CD1B: variants seen among roughly 807,000 people sequenced by gnomAD.
CD1B encodes T-cell surface glycoprotein CD1b.
CD1B carries 43 observed loss-of-function variants against 39.8 expected under a neutral mutation model. That is an observed-to-expected ratio of 1.08 (90% CI 0.85 to 1.39). The LOEUF is 1.39. CD1B is among the 40% of genes most tolerant of loss of function. The probability of loss-of-function intolerance (pLI) is 0.00; values close to 1 mark genes in which losing one functional copy is unlikely to be tolerated. For missense variants in CD1B, 495 were observed against 403.8 expected, an observed-to-expected ratio of 1.23 and a Z score of -1.94; for synonymous variants, 192 against 152.5, an observed-to-expected ratio of 1.26 and a Z score of -1.91.
At chr1:158,306,844 G>A in the CD1B span, among the ~76,000 whole-genome samples, 6 of 152,116 alleles carry the variant, frequency 3.9e-5, no homozygotes, top group Non-Finnish European at 7.3e-5. Context: ...GGTACATAAT[G>A]AAATGAAGGC....
At chr1:158,301,845 G>A in the CD1B span, among the ~76,000 whole-genome samples, 2 of 152,086 alleles carry the variant, frequency 1.3e-5, no homozygotes, top group Non-Finnish European at 2.9e-5. Flanking sequence ...TTGCTAGGTT[G>A]GGGATGTTCT....
chr1:158,321,550 A>C, the CD1B span, among the ~76,000 whole-genome samples: 1 of 152,192 alleles, frequency 6.6e-6, no homozygotes, highest in African/African-American at 2.4e-5. Flanking sequence ...ACATTTTGTT[A>C]CTTCTTTCCT....
chr1:158,286,692 T>G, the CD1B span, among the ~76,000 whole-genome samples: 3 of 152,202 alleles, frequency 2.0e-5, no homozygotes, highest in African/African-American at 7.2e-5. Flanking sequence ...AGAAATGACA[T>G]GGTGACTGTG....
chr1:158,292,361 G>C, the CD1B span: 1 of 1,612,468 alleles, frequency 6.2e-7, no homozygotes, highest in Admixed American at 1.7e-5. Flanking sequence ...ATGTACACAG[G>C]CAAGGTCAGT....
the CD1B span, among the ~76,000 whole-genome samples, chr1:158,310,661 A>ATCAAC: frequency 6.6e-6 from 1 of 152,214 alleles, no homozygotes; most frequent in African/African-American, 2.4e-5. Flanking sequence ...GAATATCAAC[A>ATCAAC]GACACTTCTC....
the CD1B span, among the ~76,000 whole-genome samples, chr1:158,290,455 G>T: frequency 6.6e-6 from 1 of 152,110 alleles, no homozygotes; most frequent in African/African-American, 2.4e-5. Context: ...GAGGGATGAA[G>T]CAACCTTTCA....
At chr1:158,291,446 T>C in the CD1B span, 1 of 1,588,626 alleles carries the variant, frequency 6.3e-7, no homozygotes, top group Non-Finnish European at 8.6e-7. Context: ...GAATGTTCTA[T>C]TTCAGGGAAA....
chr1:158,290,112 T>C, the CD1B span: 1 of 1,613,970 alleles, frequency 6.2e-7, no homozygotes, highest in Non-Finnish European at 8.5e-7. Context: ...TCCCAGGTGG[T>C]GACAATGCAG....
the CD1B span, among the ~76,000 whole-genome samples, chr1:158,297,777 C>A: frequency 1.4e-4 from 21 of 151,700 alleles, no homozygotes; most frequent in East Asian, 2.3e-3. Flanking sequence ...TACAAAAAAA[C>A]CAAGAAAATT....
At chr1:158,302,310 T>C in the CD1B span, among the ~76,000 whole-genome samples, 1 of 152,116 alleles carries the variant, frequency 6.6e-6, no homozygotes, top group Admixed American at 6.6e-5. Context: ...GGAAAGTTTA[T>C]AGCACTAAAT....
downstream of CD1B, among the ~76,000 whole-genome samples, chr1:158,326,936 A>G (rs1571183781): frequency 1.3e-5 from 2 of 152,210 alleles, no homozygotes; most frequent in South Asian, 2.1e-4. Context: ...AGCTGGGACT[A>G]CAGCCATGCA....
chr1:158,291,226 G>A, the CD1B span: 35 of 1,613,950 alleles, frequency 2.2e-5, no homozygotes, highest in South Asian at 3.1e-4. Flanking sequence ...ATGGCTGGAC[G>A]AGTTGCAGAC....
At chr1:158,316,703 G>C in the CD1B span, among the ~76,000 whole-genome samples, 2 of 150,922 alleles carry the variant, frequency 1.3e-5, no homozygotes, top group African/African-American at 4.9e-5. Flanking sequence ...TGTTGAATAG[G>C]AGTGGTGAGA....
Position 158,330,141 on chromosome 1 carries a change from G to C in CD1B, c.329-11C>G. ...GGATCTCAAAGGGGTCTATGTAGAGGGAAAAGAGAGCAAGTTATTAAACAC... is the reference window on the plus strand; with the variant it reads ...GGATCTCAAAGGGGTCTATGTAGAGCGAAAAGAGAGCAAGTTATTAAACAC... On this transcript the variant is annotated splice_polypyrimidine_tract_variant and intron_variant, in intron 2 of 5. Transcript: ENST00000368168. 2 of 1,574,616 alleles carry C rather than the reference G, an allele frequency of 1.3e-6. No homozygotes were observed. Among genetic ancestry groups the C allele is most frequent in the South Asian group, 2.4e-5 (2 of 84,980 alleles).
At chr1:158,286,995 T>G in the CD1B span, among the ~76,000 whole-genome samples, 1 of 152,164 alleles carries the variant, frequency 6.6e-6, no homozygotes, top group Non-Finnish European at 1.5e-5. Flanking sequence ...AGTCTTGCTC[T>G]CCTCCTCCAG....
At chr1:158,324,420 C>T (rs550974848), downstream of CD1B, among the ~76,000 whole-genome samples, 1 of 152,258 alleles carries the variant, frequency 6.6e-6, no homozygotes, top group East Asian at 1.9e-4. Context: ...GAGTGGGTTA[C>T]CTCCTATTCC....
At chr1:158,288,511 C>T in the CD1B span, among the ~76,000 whole-genome samples, 1 of 152,192 alleles carries the variant, frequency 6.6e-6, no homozygotes, top group Admixed American at 6.5e-5. Flanking sequence ...CCTGCCTCTG[C>T]CTCCCATTTA....
Position 158,329,935 on chromosome 1 carries a change from G to A in CD1B, c.524C>T (p.Thr175Ile). The A allele has an allele frequency of 3.1e-6, 5 of 1,614,126 alleles. No individual in the cohort carries two copies. The highest frequency in any genetic ancestry group is 4.2e-6 in the Non-Finnish European group (5 of 1,179,998). The change falls in exon 3 of 6, where the codon ACT becomes ATT. Residue 175 changes from threonine (T) to isoleucine (I), a missense_variant. Coordinates refer to ENST00000368168, the MANE Select transcript of CD1B (RefSeq NM_001764.3). ...GGTTTCATAGAGGAGAATTCTCACA[G>A]TTTCCATGATACCTTGATATTGTAT... ...LIIQYQGIMETVRILLYETCP... is the reference protein window; with the variant it reads ...LIIQYQGIMEIVRILLYETCP...
the CD1B span, among the ~76,000 whole-genome samples, chr1:158,314,786 C>T: frequency 6.6e-6 from 1 of 151,196 alleles, no homozygotes; most frequent in Non-Finnish European, 1.5e-5. Context: ...AGGTATATCT[C>T]CCAATGCTAT....
Sources: allele counts gnomAD v4.1 joint callset (sites outside exome capture counted in the v4.1 genomes callset), GRCh38; gene constraint gnomAD v4.1.1; transcripts MANE v1.5; gene names NCBI Gene and HGNC (gene_info 2026-07-23, HGNC 2026-07-21).